Variants in ENOX1 observed in about 807,000 individuals in gnomAD.
ENOX1 encodes the protein ecto-NOX disulfide-thiol exchanger 1, also known as candidate growth-related and time keeping constitutive hydroquinone (NADH) oxidase.
In ENOX1, 42 loss-of-function variants were observed where a neutral mutation model predicts 82.5. The observed-to-expected ratio is 0.51, with a 90% CI of 0.40 to 0.66. ENOX1 has a LOEUF of 0.66. Among genes scored for constraint, ENOX1 ranks in the 30% least tolerant of loss-of-function variants. ENOX1 has a pLI of 0.00. For synonymous variants in ENOX1, 271 were observed against 282.2 expected (o/e 0.96, Z 0.40); for missense variants, 608 against 811.6 (o/e 0.75, Z 3.05).
At chr13:43,223,936 T>C (rs1254600744) in intron 16 of ENOX1, 117 bp downstream of exon 16, 2 of 681,846 alleles carry the variant, frequency 2.9e-6, no homozygotes, top group Non-Finnish European at 5.1e-6. Context: ...AGAGAAGGGC[T>C]GATCAACCCC....
At chr13:43,495,307 A>G (rs550374078) in intron 2 of ENOX1, among the ~76,000 whole-genome samples, 3 of 152,080 alleles carry the variant, frequency 2.0e-5, no homozygotes, top group Non-Finnish European at 4.4e-5. Flanking sequence ...CATTTCCATC[A>G]CCCCTGAAAG....
chr13:43,660,433 T>C (rs774462221), intron 2 of ENOX1, among the ~76,000 whole-genome samples: 11 of 152,208 alleles, frequency 7.2e-5, no homozygotes, highest in Non-Finnish European at 1.3e-4. Context: ...GGATTACTCT[T>C]TTTTGTTCCC....
intron 14 of ENOX1, among the ~76,000 whole-genome samples, chr13:43,241,415 G>T (rs1050920767): frequency 6.6e-6 from 1 of 152,200 alleles, no homozygotes; most frequent in Non-Finnish European, 1.5e-5. Flanking sequence ...GATGGAGTGG[G>T]AGGTGAGGAA....
At chr13:43,551,780 G>A (rs1436452891) in intron 2 of ENOX1, among the ~76,000 whole-genome samples, 1 of 152,220 alleles carries the variant, frequency 6.6e-6, no homozygotes, top group Non-Finnish European at 1.5e-5. Flanking sequence ...CAGTGCAGGA[G>A]AGGATGGGCC....
intron 1 of ENOX1, among the ~76,000 whole-genome samples, chr13:43,725,570 T>G (rs1471790111): frequency 6.6e-6 from 1 of 152,084 alleles, no homozygotes; most frequent in African/African-American, 2.4e-5. Flanking sequence ...CTGTGTCAAA[T>G]TTAACTGCCA....
intron 3 of ENOX1, among the ~76,000 whole-genome samples, chr13:43,460,818 AAAAAAAAAAAAAT>A (rs1417069590): frequency 0.012 from 276 of 22,488 alleles, 45 homozygotes; most frequent in African/African-American, 0.027. Context: ...AAAAAAAAAA[AAAAAAAAAAAAAT>A]AGGGATAGCT....
chr13:43,571,706 A>G (rs1200701785), intron 2 of ENOX1, among the ~76,000 whole-genome samples: 1 of 152,094 alleles, frequency 6.6e-6, no homozygotes, highest in Non-Finnish European at 1.5e-5. Flanking sequence ...ACAAACAAAC[A>G]AACAAACAAA....
At chr13:43,784,017 A>G (rs1354078831) in intron 1 of ENOX1, among the ~76,000 whole-genome samples, 1 of 152,184 alleles carries the variant, frequency 6.6e-6, no homozygotes. Flanking sequence ...ACAAAATACT[A>G]TTGTCTGTTT....
At chr13:43,426,288 C>T (rs887306905) in intron 3 of ENOX1, among the ~76,000 whole-genome samples, 56 of 152,052 alleles carry the variant, frequency 3.7e-4, no homozygotes, top group African/African-American at 1.3e-3. Context: ...CTCATGGTAC[C>T]GAATGCAATT....
intron 2 of ENOX1, among the ~76,000 whole-genome samples, chr13:43,643,442 A>G (rs760750807): frequency 2.0e-5 from 3 of 152,134 alleles, no homozygotes; most frequent in Admixed American, 1.3e-4. Flanking sequence ...TAGATTTGAT[A>G]TATCTTCCCA....
At chr13:43,602,470 T>C (rs1435271288) in intron 2 of ENOX1, among the ~76,000 whole-genome samples, 3 of 152,094 alleles carry the variant, frequency 2.0e-5, no homozygotes, top group Non-Finnish European at 2.9e-5. Flanking sequence ...ATTTATCATA[T>C]GATATATATA....
intron 2 of ENOX1, among the ~76,000 whole-genome samples, chr13:43,660,225 A>G (rs1348481107): frequency 3.3e-5 from 5 of 152,214 alleles, no homozygotes; most frequent in African/African-American, 1.2e-4. Flanking sequence ...GCAGTCATCC[A>G]TCTATATCCC....
At chr13:43,772,949 T>C (rs575778461) in intron 1 of ENOX1, among the ~76,000 whole-genome samples, 21 of 152,246 alleles carry the variant, frequency 1.4e-4, no homozygotes, top group African/African-American at 5.1e-4. Context: ...TGTGAAACAA[T>C]GATGTAGATC....
chr13:43,502,340 G>A (rs1051274090), intron 2 of ENOX1, among the ~76,000 whole-genome samples: 1 of 151,456 alleles, frequency 6.6e-6, no homozygotes, highest in African/African-American at 2.4e-5. Flanking sequence ...AACTAGAAGA[G>A]GAAACACTTT....
At chr13:43,310,154 A>G (rs9533450) in intron 11 of ENOX1, among the ~76,000 whole-genome samples, 137,173 of 143,604 alleles carry the variant, frequency 0.96, 65,900 homozygotes, top group South Asian at 1. Context: ...AGCCGAGATC[A>G]CGCCATTGCA....
At chr13:43,646,307 C>A (rs1346419343) in intron 2 of ENOX1, among the ~76,000 whole-genome samples, 1 of 152,168 alleles carries the variant, frequency 6.6e-6, no homozygotes, top group Non-Finnish European at 1.5e-5. Context: ...ATCTCAGACT[C>A]CTCACTGCTC....
At chr13:43,631,444 T>G (rs1202559069) in intron 2 of ENOX1, among the ~76,000 whole-genome samples, 1 of 152,196 alleles carries the variant, frequency 6.6e-6, no homozygotes, top group Non-Finnish European at 1.5e-5. Flanking sequence ...TGGGGCTCTT[T>G]CAGCTTGCAC....
Position 43,356,063 on chromosome 13 carries a change from C to G in ENOX1, c.679G>C (p.Glu227Gln). 6.2e-7 allele frequency: 1 copy of G among 1,614,198 alleles called. No individual in the cohort carries two copies. The highest frequency in any genetic ancestry group is 1.3e-5 in the African/African-American group (1 of 75,068). The stretch of plus-strand genomic sequence containing the variant: ...CGCATCCTCTGCTTGCATTCCCACT[C>G]ATAGAAGTCATCCCTGGCCTGGGCA... Reference protein sequence around the residue: ...DFAQARDDFYEWECKQRMRAR... With the variant: ...DFAQARDDFYQWECKQRMRAR... The change falls in exon 8 of 17, where the codon GAG becomes CAG. Residue 227 changes from glutamate to glutamine, a missense_variant. Glu to Gln is a conservative substitution (Grantham distance 29). Transcript: ENST00000690772.
chr13:43,727,183 C>T (rs2089036604), intron 1 of ENOX1, among the ~76,000 whole-genome samples: 1 of 152,148 alleles, frequency 6.6e-6, no homozygotes, highest in Non-Finnish European at 1.5e-5. Flanking sequence ...CAGATGTCCC[C>T]CAAATGAGGT....
Sources: gnomAD v4.1 joint callset for allele counts (sites outside exome capture counted in the v4.1 genomes callset) on GRCh38, gnomAD v4.1.1 for gene constraint, MANE v1.5 for transcripts, NCBI Gene and HGNC (gene_info 2026-07-23, HGNC 2026-07-21) for gene names.